SNX29: variants seen among roughly 807,000 people sequenced by gnomAD.
SNX29 encodes the protein sorting nexin-29.
Under a neutral mutation model 102.1 loss-of-function variants are expected in SNX29, and 78 were observed. That is an observed-to-expected ratio of 0.76 (90% CI 0.64 to 0.92). The LOEUF (loss-of-function observed/expected upper bound fraction) is 0.92, where lower values mean the gene tolerates loss of function less well. Ranked by LOEUF, SNX29 falls within the 40% of genes least tolerant of loss-of-function variation. The pLI is 0.00. For synonymous variants in SNX29, 580 were observed against 414.5 expected (o/e 1.40, Z -4.85); for missense variants, 1,280 against 1,061.7 (o/e 1.21, Z -2.86).
chr16:12,322,196 C>T (rs1003590792), intron 15 of SNX29, among the ~76,000 whole-genome samples: 6 of 152,166 alleles, frequency 3.9e-5, no homozygotes, highest in African/African-American at 1.4e-4. Context: ...ACCCATAAGG[C>T]CAGTCACGCT....
At chr16:12,316,550 A>G (rs1371507280) in intron 15 of SNX29, among the ~76,000 whole-genome samples, 4 of 152,078 alleles carry the variant, frequency 2.6e-5, no homozygotes, top group Non-Finnish European at 4.4e-5. Context: ...TTCAAAAAAC[A>G]ACAAAAAAAG....
chr16:12,101,731 A>G (rs2053031125), intron 11 of SNX29, among the ~76,000 whole-genome samples: 2 of 152,050 alleles, frequency 1.3e-5, no homozygotes, highest in African/African-American at 4.8e-5. Flanking sequence ...AGTTTTAGTC[A>G]TAGCTGTCTC....
chr16:12,255,249 G>A (rs577951488), intron 14 of SNX29, among the ~76,000 whole-genome samples: 2 of 152,088 alleles, frequency 1.3e-5, no homozygotes, highest in African/African-American at 4.8e-5. Context: ...AGGCTGGAGC[G>A]CAATGGCGTG....
At chr16:12,303,471 G>A (rs1030834845) in intron 15 of SNX29, among the ~76,000 whole-genome samples, 3 of 152,224 alleles carry the variant, frequency 2.0e-5, no homozygotes, top group Admixed American at 6.5e-5. Context: ...TGTGTGGCTC[G>A]AAGAAAGCGA....
intron 20 of SNX29, among the ~76,000 whole-genome samples, chr16:12,541,362 T>G (rs987297058): frequency 3.3e-5 from 5 of 152,144 alleles, no homozygotes; most frequent in Non-Finnish European, 5.9e-5. Context: ...TTCACAGAAT[T>G]CCCTATGAGG....
intron 13 of SNX29, among the ~76,000 whole-genome samples, chr16:12,175,404 G>A (rs2076237825): frequency 6.6e-6 from 1 of 152,070 alleles, no homozygotes; most frequent in South Asian, 2.1e-4. Flanking sequence ...CATGGCAGGT[G>A]GATCACTTGA....
intron 19 of SNX29, among the ~76,000 whole-genome samples, chr16:12,497,490 A>G (rs959411842): frequency 1.1e-4 from 16 of 152,142 alleles, no homozygotes; most frequent in African/African-American, 3.1e-4. Context: ...AAGTCAAACT[A>G]TTTTTAATCT....
At chr16:12,076,187 G>C (rs350242) in intron 10 of SNX29, among the ~76,000 whole-genome samples, 80,476 of 151,920 alleles carry the variant, frequency 0.53, 23,077 homozygotes, top group African/African-American at 0.76. Context: ...CTGGCACTCC[G>C]TAGTGAGATG....
rs150007306 is a variant in SNX29, at chr16:12,339,748, G to A, written c.1783-16415G>A. On this transcript the variant is annotated intron_variant, in intron 15 of 20. Transcript: ENST00000566228. ...TTAGCAATTCTTGTCATGAAGAGAG[G>A]GTTTCTCTCCCAGTAGCTCTAACAA... 2.7e-3 allele frequency among the ~76,000 whole-genome samples: 418 copies of A among 152,294 alleles called. 3 individuals are homozygous for A. Among genetic ancestry groups the A allele is most frequent in the African/African-American group, 9.3e-3 (386 of 41,564 alleles).
chr16:12,025,646 C>T (rs1225442436), intron 3 of SNX29, among the ~76,000 whole-genome samples: 1 of 152,172 alleles, frequency 6.6e-6, no homozygotes, highest in Non-Finnish European at 1.5e-5. Context: ...CAGTGGTGGC[C>T]TACAATGCTG....
At chr16:12,355,128 G>A (rs1423127834) in intron 15 of SNX29, among the ~76,000 whole-genome samples, 1 of 152,146 alleles carries the variant, frequency 6.6e-6, no homozygotes, top group African/African-American at 2.4e-5. Flanking sequence ...CACTGATGAA[G>A]GGGAGCTCAA....
chr16:12,145,713 T>G (rs1467086709), intron 13 of SNX29, among the ~76,000 whole-genome samples: 1 of 152,218 alleles, frequency 6.6e-6, no homozygotes, highest in Non-Finnish European at 1.5e-5. Context: ...CTTTGAAAAG[T>G]TTTTTATTAC....
chr16:12,565,909 G>A (rs76235896), intron 20 of SNX29, among the ~76,000 whole-genome samples: 1,652 of 152,054 alleles, frequency 0.011, 13 homozygotes, highest in South Asian at 0.022. Context: ...GGCATCCACC[G>A]TGATCCACCA....
intron 13 of SNX29, among the ~76,000 whole-genome samples, chr16:12,149,121 C>G (rs368643723): frequency 1.3e-5 from 2 of 152,168 alleles, no homozygotes; most frequent in Non-Finnish European, 2.9e-5. Flanking sequence ...TCAGTTACTT[C>G]TAAGTTGTTG....
At chr16:12,566,486 T>C (rs965730004) in intron 20 of SNX29, among the ~76,000 whole-genome samples, 1 of 152,208 alleles carries the variant, frequency 6.6e-6, no homozygotes, top group African/African-American at 2.4e-5. Flanking sequence ...TGAATGATGA[T>C]GGTGGTTGCA....
chr16:12,022,977 A>G (rs1432137588), intron 3 of SNX29, among the ~76,000 whole-genome samples: 1 of 150,230 alleles, frequency 6.7e-6, no homozygotes, highest in Non-Finnish European at 1.5e-5. Context: ...GCTCACTGCA[A>G]CCTATGCCCC....
intron 16 of SNX29, among the ~76,000 whole-genome samples, chr16:12,378,672 A>G (rs1156785418): frequency 6.6e-6 from 1 of 152,180 alleles, no homozygotes; most frequent in Admixed American, 6.5e-5. Context: ...GAATTTCAAC[A>G]TGAGGTTTGG....
intron 13 of SNX29, among the ~76,000 whole-genome samples, chr16:12,174,169 C>T (rs1262524256): frequency 6.6e-6 from 1 of 152,188 alleles, no homozygotes; most frequent in Admixed American, 6.5e-5. Flanking sequence ...GTTAACTCCC[C>T]CTCTAGAGGG....
rs1008260268 is a variant in SNX29 at position 12,573,903 on chromosome 16, C to G, written c.*5274C>G. 5 of 205,044 alleles carry G rather than the reference C, an allele frequency of 2.4e-5. No homozygotes were observed. Among genetic ancestry groups the G allele is most frequent in the South Asian group, 1.9e-4 (1 of 5,268 alleles). The allele number at this position is 205,044 out of a possible 1,614,324, so 12.7% of individuals were successfully genotyped here. On this transcript the variant is annotated 3_prime_UTR_variant, in exon 21 of 21. Coordinates refer to ENST00000566228, the MANE Select transcript of SNX29 (RefSeq NM_032167.5). ...GCTTAGCCGTCAGGTAGAACGCTTACTCACCTGACACCGACTTCTTAGAGA... is the reference window on the plus strand; with the variant it reads ...GCTTAGCCGTCAGGTAGAACGCTTAGTCACCTGACACCGACTTCTTAGAGA...
Sources: gnomAD v4.1 joint callset for allele counts (sites outside exome capture counted in the v4.1 genomes callset) on GRCh38, gnomAD v4.1.1 for gene constraint, MANE v1.5 for transcripts, NCBI Gene and HGNC (gene_info 2026-07-23, HGNC 2026-07-21) for gene names.